CSMD1: variants seen among roughly 807,000 people sequenced by gnomAD.
The protein encoded by CSMD1 is CUB and Sushi multiple domains 1.
A neutral mutation model predicts 417.5 loss-of-function variants in CSMD1; 213 were observed. The ratio of observed to expected loss-of-function variants is 0.51; its 90% confidence interval spans 0.46 to 0.57. CSMD1 has a LOEUF of 0.57. CSMD1 is among the 20% of genes least tolerant of loss of function. The probability of loss-of-function intolerance (pLI) is 0.00; values close to 1 mark genes in which losing one functional copy is unlikely to be tolerated. For synonymous variants in CSMD1, 2,862 were observed against 1,736.8 expected, an observed-to-expected ratio of 1.65 and a Z score of -16.11; for missense variants, 6,923 against 4,529.7, an observed-to-expected ratio of 1.53 and a Z score of -15.17.
chr8:4,977,340 C>A (rs1353821187), intron 1 of CSMD1, among the ~76,000 whole-genome samples: 3 of 152,148 alleles, frequency 2.0e-5, no homozygotes, highest in Admixed American at 2.0e-4. Flanking sequence ...ATTGAAAACG[C>A]AGCAGCACTT....
intron 1 of CSMD1, among the ~76,000 whole-genome samples, chr8:4,984,546 G>A (rs1013790685): frequency 4.6e-5 from 7 of 152,136 alleles, no homozygotes; most frequent in African/African-American, 4.8e-5. Context: ...TCTGTTCTCC[G>A]GCTGCTTCTC....
chr8:3,320,367 G>T (rs1001105822), intron 23 of CSMD1, among the ~76,000 whole-genome samples: 6 of 152,140 alleles, frequency 3.9e-5, no homozygotes, highest in Admixed American at 2.6e-4. Context: ...ACTGCTTATT[G>T]CTTGGCTCCC....
chr8:3,121,623 T>C (rs1001039563), intron 41 of CSMD1, among the ~76,000 whole-genome samples: 1 of 152,136 alleles, frequency 6.6e-6, no homozygotes, highest in African/African-American at 2.4e-5. Flanking sequence ...AGACATCACC[T>C]CTTTTACCTA....
intron 21 of CSMD1, among the ~76,000 whole-genome samples, chr8:3,349,250 G>A (rs1161873948): frequency 2.6e-5 from 4 of 152,130 alleles, no homozygotes; most frequent in Non-Finnish European, 4.4e-5. Context: ...GATGACTTCT[G>A]CATGCCCACT....
intron 1 of CSMD1, among the ~76,000 whole-genome samples, chr8:4,765,801 G>T (rs1419944060): frequency 6.6e-6 from 1 of 152,150 alleles, no homozygotes; most frequent in African/African-American, 2.4e-5. Context: ...GTTGATGAAA[G>T]GTAGCTGGAT....
At chr8:4,410,438 G>A (rs79890726) in intron 3 of CSMD1, among the ~76,000 whole-genome samples, 10,295 of 152,140 alleles carry the variant, frequency 0.068, 423 homozygotes, top group South Asian at 0.13. Flanking sequence ...CATTTCTAGC[G>A]TCCAGATAGT....
chr8:3,592,513 T>C (rs1039314955), intron 8 of CSMD1, among the ~76,000 whole-genome samples: 3 of 152,098 alleles, frequency 2.0e-5, no homozygotes, highest in Non-Finnish European at 2.9e-5. Flanking sequence ...CCTTGTAAAA[T>C]GGAGATGGAT....
At chr8:3,690,771 T>A (rs969384268) in intron 7 of CSMD1, among the ~76,000 whole-genome samples, 7 of 152,222 alleles carry the variant, frequency 4.6e-5, no homozygotes, top group Admixed American at 1.3e-4. Flanking sequence ...TTTTATAAGA[T>A]AAAGTTTAAT....
chr8:4,148,119 G>T (rs1056451397), intron 3 of CSMD1, among the ~76,000 whole-genome samples: 1 of 152,098 alleles, frequency 6.6e-6, no homozygotes, highest in Non-Finnish European at 1.5e-5. Flanking sequence ...TTTGATGCGC[G>T]TGACATGCTC....
chr8:2,995,482 T>C (rs1585113543), intron 54 of CSMD1, among the ~76,000 whole-genome samples: 1 of 152,326 alleles, frequency 6.6e-6, no homozygotes, highest in East Asian at 1.9e-4. Context: ...GGAAAAATGC[T>C]TGGCAGTTTC....
At chr8:3,877,018 G>T (rs1388980414) in intron 5 of CSMD1, among the ~76,000 whole-genome samples, 2 of 152,192 alleles carry the variant, frequency 1.3e-5, no homozygotes. Context: ...TATGAAATGT[G>T]AGCATTTTCA....
chr8:4,562,553 A>G (rs1798393736), intron 2 of CSMD1, among the ~76,000 whole-genome samples: 1 of 152,226 alleles, frequency 6.6e-6, no homozygotes, highest in African/African-American at 2.4e-5. Flanking sequence ...AGTATACATG[A>G]AATGGAACAA....
At chr8:3,908,916 T>C (rs1330379440) in intron 5 of CSMD1, among the ~76,000 whole-genome samples, 1 of 152,250 alleles carries the variant, frequency 6.6e-6, no homozygotes, top group African/African-American at 2.4e-5. Context: ...CATGCATCTA[T>C]CTTGCTTTGC....
intron 5 of CSMD1, among the ~76,000 whole-genome samples, chr8:3,967,730 A>G (rs1380319302): frequency 6.6e-6 from 1 of 152,188 alleles, no homozygotes; most frequent in Non-Finnish European, 1.5e-5. Context: ...GATGAGTCCA[A>G]CAAAGGCCAA....
chr8:3,490,600 G>A (rs1270360235), intron 11 of CSMD1, among the ~76,000 whole-genome samples: 1 of 152,104 alleles, frequency 6.6e-6, no homozygotes, highest in Non-Finnish European at 1.5e-5. Context: ...CCCACAGGCT[G>A]GAAAAGTTTA....
intron 3 of CSMD1, among the ~76,000 whole-genome samples, chr8:4,278,123 C>G (rs773598109): frequency 6.6e-6 from 1 of 152,178 alleles, no homozygotes; most frequent in African/African-American, 2.4e-5. Context: ...TCTCCTTATG[C>G]TCATATAACT....
Position 3,846,271 on chromosome 8 carries a change from C to T in CSMD1, c.819-92229G>A, listed in dbSNP as rs779337635. On this transcript the variant is annotated intron_variant, in intron 5 of 69. Transcript: ENST00000635120. ...ATGCACCACGCTATGGCATTATGAT[C>T]GCTACCATGTCAATAGGTGATAGGA... Among the ~76,000 whole-genome samples the T allele has an allele frequency of 5.9e-5, 9 of 152,142 alleles. 1 individual carries two copies. Among genetic ancestry groups the T allele is most frequent in the Admixed American group, 2.0e-4 (3 of 15,284 alleles).
intron 2 of CSMD1, among the ~76,000 whole-genome samples, chr8:4,457,043 A>G (rs1799533304): frequency 6.6e-6 from 1 of 151,588 alleles, no homozygotes; most frequent in Non-Finnish European, 1.5e-5. Flanking sequence ...TTCCTGGAGC[A>G]TCTCAGAGAA....
rs763754287 is a variant in CSMD1 at position 2,974,574 on chromosome 8, C to T, written c.8617G>A (p.Glu2873Lys). Reference protein sequence around the residue: ...GVPANAVLTGELFTYGAVVHY... With the variant: ...GVPANAVLTGKLFTYGAVVHY... ...ACGACGGCGCCATAGGTAAACAGCT[C>T]TCCAGTGAGGACGGCGTTGGCAGGG... The change falls in exon 56 of 70, where the codon GAG (glutamate) becomes AAG (lysine). Residue 2873 changes from glutamate (E) to lysine (K), a missense_variant. By Grantham distance (56) the Glu-to-Lys change is moderately conservative. Transcript: ENST00000635120. 3 of 1,612,796 alleles carry T rather than the reference C, an allele frequency of 1.9e-6. No homozygotes were observed. The highest frequency in any genetic ancestry group is 1.1e-5 in the South Asian group (1 of 90,776).
Sources: allele counts gnomAD v4.1 joint callset (sites outside exome capture counted in the v4.1 genomes callset), GRCh38; gene constraint gnomAD v4.1.1; transcripts MANE v1.5; gene names NCBI Gene and HGNC (gene_info 2026-07-23, HGNC 2026-07-21).